CLUL1: variants seen among roughly 807,000 people sequenced by gnomAD.
The protein encoded by CLUL1 is clusterin like 1.
In CLUL1, 43 loss-of-function variants were observed where a neutral mutation model predicts 49.4. That is an observed-to-expected ratio of 0.87 (90% CI 0.68 to 1.12). The LOEUF is 1.12. Ranked by LOEUF, CLUL1 falls within the 50% of genes most tolerant of loss-of-function variation. The probability of loss-of-function intolerance (pLI) is 0.00; values close to 1 mark genes in which losing one functional copy is unlikely to be tolerated. For synonymous variants in CLUL1, 192 were observed against 184.9 expected (o/e 1.04, Z -0.31); for missense variants, 486 against 544.4 (o/e 0.89, Z 1.07).
rs3221054 is a variant in CLUL1 at position 625,518 on chromosome 18, AACACACACACACACACAC to A, written c.423+511_423+528del. 2.2e-3 allele frequency among the ~76,000 whole-genome samples: 317 copies of A among 144,720 alleles called. 2 individuals carry two copies. The highest frequency in any genetic ancestry group is 0.021 in the Admixed American group (309 of 14,508). The allele number at this position is 144,720 out of a possible 152,430, so 94.9% of individuals were successfully genotyped here. On this transcript the variant is annotated intron_variant, in intron 5 of 9. Transcript: ENST00000692774. ...TCAACATGCTTGCCTCCTTATGCATAACACACACACACACACACACACACACACACACACACACACACC... is the reference window on the plus strand; with the variant it reads ...TCAACATGCTTGCCTCCTTATGCATAACACACACACACACACACACACACC...
rs553550913 is a variant in CLUL1 at position 607,847 on chromosome 18, C to T, written c.-14+748C>T. ...TGAGTAGCTGGGATGACATTACAGG[C>T]ACACACTGCCACCACTGGCTCTAAA... On this transcript the variant is annotated intron_variant, in intron 2 of 9. Transcript: ENST00000692774. Among the ~76,000 whole-genome samples the T allele has an allele frequency of 6.6e-5, 10 of 152,278 alleles. No homozygotes were observed. In the East Asian group the frequency reaches 1.5e-3, roughly 24 times the overall value.
intron 2 of CLUL1, 46 bp from the exon 3 acceptor site, chr18:617,938 AAACT>A: frequency 6.6e-7 from 1 of 1,518,062 alleles, no homozygotes; most frequent in Non-Finnish European, 9.1e-7. Flanking sequence ...ATGCCAACAG[AAACT>A]AACCAAATGG....
At chr18:647,863 G>A (rs1173334276) in intron 9 of CLUL1, among the ~76,000 whole-genome samples, 1 of 152,104 alleles carries the variant, frequency 6.6e-6, no homozygotes, top group African/African-American at 2.4e-5. Context: ...TTACCCATGT[G>A]ACTCTTTATG....
At chr18:612,445 G>A (rs2073162636) in intron 2 of CLUL1, among the ~76,000 whole-genome samples, 1 of 152,166 alleles carries the variant, frequency 6.6e-6, no homozygotes. Flanking sequence ...TCACACATGT[G>A]CCACGTGCAC....
At chr18:615,439 T>C (rs181151018) in intron 2 of CLUL1, among the ~76,000 whole-genome samples, 2 of 152,348 alleles carry the variant, frequency 1.3e-5, no homozygotes, top group African/African-American at 4.8e-5. Flanking sequence ...GGTTCCGTTT[T>C]CAACAAAATT....
chr18:641,848 T>A (rs1253762952), intron 8 of CLUL1, among the ~76,000 whole-genome samples: 1 of 152,120 alleles, frequency 6.6e-6, no homozygotes, highest in Admixed American at 6.5e-5. Context: ...CAATGTAGGT[T>A]TTAGGAGAGA....
Position 622,227 on chromosome 18 carries a change from C to A in CLUL1, c.256-2638C>A, listed in dbSNP as rs1290004166. On this transcript the variant is annotated intron_variant, in intron 4 of 9. Coordinates refer to ENST00000692774, the MANE Select transcript of CLUL1 (RefSeq NM_001393344.1). ...GCATCCTCACTGTCCCCTTCCTCCA[C>A]CCCTCCTTATTAATATTTAGTGAGA... Among the ~76,000 whole-genome samples the A allele has an allele frequency of 1.4e-4, 21 of 152,136 alleles. 1 individual carries two copies.
At chr18:629,381 C>T (rs189330230) in intron 6 of CLUL1, among the ~76,000 whole-genome samples, 1 of 152,300 alleles carries the variant, frequency 6.6e-6, no homozygotes, top group East Asian at 1.9e-4. Context: ...TTCATTAGAA[C>T]AAAAGGGCTC....
rs68150473 is a variant in CLUL1 at position 636,624 on chromosome 18, C to CTTTTTT, written c.994+3203_994+3208dup. Among the ~76,000 whole-genome samples the CTTTTTT allele has an allele frequency of 6.9e-4, 84 of 122,048 alleles. 5 individuals are homozygous for CTTTTTT. Among genetic ancestry groups the CTTTTTT allele is most frequent in the Non-Finnish European group, 9.5e-4 (57 of 60,214 alleles). 80.1% of individuals were successfully genotyped at this position (122,048 alleles called of 152,430 possible). ...AGAGTCGACAACACTCCCTTTCTCT[C>CTTTTTT]TTTTTTTTTTTTTTTTTTTGTGCCA... On this transcript the variant is annotated intron_variant, in intron 7 of 9. Coordinates refer to ENST00000692774, the MANE Select transcript of CLUL1 (RefSeq NM_001393344.1).
chr18:635,648 A>C (rs778956188), intron 7 of CLUL1, among the ~76,000 whole-genome samples: 2 of 151,966 alleles, frequency 1.3e-5, no homozygotes, highest in Admixed American at 6.6e-5. Context: ...CAAAGAACAA[A>C]AAGCATGGTC....
intron 9 of CLUL1, among the ~76,000 whole-genome samples, chr18:645,811 ATATATATAT>A (rs1412148849): frequency 5.1e-4 from 17 of 33,504 alleles, no homozygotes; most frequent in East Asian, 8.6e-4. Context: ...AAAAAAAAAA[ATATATATAT>A]ATATATATAT....
intron 6 of CLUL1, among the ~76,000 whole-genome samples, chr18:631,341 G>A (rs1056445111): frequency 6.6e-6 from 1 of 150,690 alleles, no homozygotes; most frequent in Admixed American, 6.6e-5. Flanking sequence ...AGGAACAGAT[G>A]AGATTGAGTT....
At chr18:601,990 G>A (rs969801451) in intron 1 of CLUL1, among the ~76,000 whole-genome samples, 9 of 152,228 alleles carry the variant, frequency 5.9e-5, no homozygotes, top group Admixed American at 6.5e-5. Context: ...GGAGGCTGAG[G>A]TGGGAGGACC....
intron 7 of CLUL1, among the ~76,000 whole-genome samples, chr18:638,420 T>C (rs1439645025): frequency 1.3e-5 from 2 of 152,200 alleles, no homozygotes; most frequent in African/African-American, 4.8e-5. Context: ...CACCAGATAA[T>C]GGACACAGTA....
rs114698011 is a variant in CLUL1 at position 608,070 on chromosome 18, C to T, written c.-14+971C>T. Among the ~76,000 whole-genome samples, 925 of 152,280 alleles carry T rather than the reference C, an allele frequency of 6.1e-3. 10 individuals carry two copies. The highest frequency in any genetic ancestry group is 0.021 in the African/African-American group (855 of 41,550). ...AAAGCATTAGTGACCATCAGGGAAC[C>T]GTCAGATGCATGCCAGACTAAAGCA... On this transcript the variant is annotated intron_variant, in intron 2 of 9. Transcript: ENST00000692774.
In CLUL1 at chr18:645,809, AAATATATATATATATATATATATATAT is replaced by A. The variant is rs1372638799; in HGVS notation, c.1397+714_1397+740del. The stretch of plus-strand genomic sequence containing the variant: ...ACTCTGTTTAAAAAAAAAAAAAAAA[AAATATATATATATATATATATATATAT>A]ATATATATATATATATGTTAAACAT... On this transcript the variant is annotated intron_variant, in intron 9 of 9. Transcript: ENST00000692774. 4.0e-4 allele frequency among the ~76,000 whole-genome samples: 28 copies of A among 70,474 alleles called. 2 individuals are homozygous for A. Among genetic ancestry groups the A allele is most frequent in the Admixed American group, 5.9e-4 (4 of 6,726 alleles). The allele number at this position is 70,474 out of a possible 152,430, so 46.2% of individuals were successfully genotyped here. A position where few individuals can be genotyped will look rare whatever the true frequency, so the allele number is the denominator to read the frequency against.
chr18:636,926 C>A (rs1180537324), intron 7 of CLUL1, among the ~76,000 whole-genome samples: 2 of 151,662 alleles, frequency 1.3e-5, no homozygotes, highest in East Asian at 3.9e-4. Flanking sequence ...CATGCCCAGC[C>A]CCTTTCTCCT....
At chr18:615,666 G>A (rs1345539453) in intron 2 of CLUL1, among the ~76,000 whole-genome samples, 1 of 152,186 alleles carries the variant, frequency 6.6e-6, no homozygotes, top group Non-Finnish European at 1.5e-5. Context: ...TTTCAGGATA[G>A]GACACATCTG....
In CLUL1 at chr18:615,063, A is replaced by G. The variant is rs116138856; in HGVS notation, c.-13-2925A>G. The stretch of plus-strand genomic sequence containing the variant: ...TTGATGCCACATGCATCCTCTTGCC[A>G]TCTTTCTTAATTAAGATGACTTTGC... On this transcript the variant is annotated intron_variant, in intron 2 of 9. Coordinates refer to ENST00000692774, the MANE Select transcript of CLUL1 (RefSeq NM_001393344.1). 1.4e-3 allele frequency among the ~76,000 whole-genome samples: 208 copies of G among 152,346 alleles called. 1 individual carries two copies. The highest frequency in any genetic ancestry group is 4.2e-3 in the African/African-American group (176 of 41,578).
Sources: gnomAD v4.1 joint callset for allele counts (sites outside exome capture counted in the v4.1 genomes callset) on GRCh38, gnomAD v4.1.1 for gene constraint, MANE v1.5 for transcripts, NCBI Gene and HGNC (gene_info 2026-07-23, HGNC 2026-07-21) for gene names.